TANGO2: variants seen among roughly 807,000 people sequenced by gnomAD.
The protein encoded by TANGO2 is transport and Golgi organization protein 2 homolog.
TANGO2 carries 26 observed loss-of-function variants against 39.1 expected under a neutral mutation model. The observed-to-expected ratio is 0.67, with a 90% CI of 0.49 to 0.92. TANGO2 has a LOEUF of 0.92. Among genes scored for constraint, TANGO2 ranks in the 40% least tolerant of loss-of-function variants. The pLI is 0.00. For synonymous variants in TANGO2, 131 were observed against 144.5 expected, an observed-to-expected ratio of 0.91 and a Z score of 0.67; for missense variants, 326 against 360.1, an observed-to-expected ratio of 0.91 and a Z score of 0.77.
chr22:20,055,748 T>C, intron 5 of TANGO2, 195 bp from the exon 6 acceptor site: 1 of 617,148 alleles, frequency 1.6e-6, no homozygotes, highest in Non-Finnish European at 2.9e-6. Context: ...CCCGTGATGC[T>C]GGACAAGAGC....
Position 20,065,017 on chromosome 22 carries a change from A to G in TANGO2, c.*355A>G, listed in dbSNP as rs2049033514. The G allele has an allele frequency of 8.1e-6, 2 of 245,478 alleles. No individual in the cohort carries two copies. The highest frequency in any genetic ancestry group is 6.5e-5 in the South Asian group (1 of 15,382). The allele number at this position is 245,478 out of a possible 1,614,324, so 15.2% of individuals were successfully genotyped here. ...AAGCACACACATGCAAGCCATATAC[A>G]TGGACACCGACACAGGCACATGTAC... On this transcript the variant is annotated 3_prime_UTR_variant, in exon 9 of 9. Transcript: ENST00000327374.
Position 20,052,467 on chromosome 22 carries a change from C to T in TANGO2, c.148C>T (p.Leu50=). Residue 50 remains leucine (L), a splice_region_variant and synonymous_variant, in exon 4 of 9, where the codon CTG becomes TTG. Coordinates refer to ENST00000327374, the MANE Select transcript of TANGO2 (RefSeq NM_152906.7). The stretch of plus-strand genomic sequence containing the variant: ...GGTAACACTGTCATCTGCCACAGGG[C>T]TGGACATGGAGGAAGGCAAGGAAGG... ...WGNNNEILSG[L]DMEEGKEGGT... 1.3e-6 allele frequency: 2 copies of T among 1,599,628 alleles called. No homozygotes were observed. The highest frequency in any genetic ancestry group is 2.3e-5 in the South Asian group (2 of 88,214).
chr22:20,030,653 T>C lies in TANGO2; in HGVS notation c.-39-6107T>C, dbSNP rs1048378973. 3.3e-5 allele frequency among the ~76,000 whole-genome samples: 5 copies of C among 151,896 alleles called. No homozygotes were observed. The East Asian group carries it at 7.8e-4, about 24-fold the overall frequency. ...ATAATTTTTGTATTTTTAGTAAAGA[T>C]GGGGTTTCACCATGTTGGCCAGGCT... On this transcript the variant is annotated intron_variant, in intron 1 of 8. Coordinates refer to ENST00000327374, the MANE Select transcript of TANGO2 (RefSeq NM_152906.7).
intron 1 of TANGO2, among the ~76,000 whole-genome samples, chr22:20,025,768 G>C (rs1402862688): frequency 6.6e-6 from 1 of 152,186 alleles, no homozygotes; most frequent in Non-Finnish European, 1.5e-5. Context: ...GTGGACTTGG[G>C]CACCTGCAGA....
At chr22:20,042,336 A>AC (rs1346653203) in intron 2 of TANGO2, among the ~76,000 whole-genome samples, 3 of 151,988 alleles carry the variant, frequency 2.0e-5, no homozygotes, top group African/African-American at 7.3e-5. Flanking sequence ...GCAGGAACTG[A>AC]CCCCTTCCAC....
chr22:20,049,113 T>C (rs539610516), intron 3 of TANGO2, among the ~76,000 whole-genome samples: 1 of 152,324 alleles, frequency 6.6e-6, no homozygotes, highest in Admixed American at 6.5e-5. Flanking sequence ...CTATGATTTA[T>C]CTCAAGGTTT....
intron 8 of TANGO2, 98 bp downstream of exon 8, chr22:20,063,540 G>C (rs1401067736): frequency 1.0e-5 from 11 of 1,097,668 alleles, no homozygotes; most frequent in East Asian, 2.6e-5. Flanking sequence ...CCAGAGCCAG[G>C]CTTCTTCCTC....
rs543534921 is a variant in TANGO2, at chr22:20,037,171, G to A, written c.56+317G>A. On this transcript the variant is annotated intron_variant, in intron 2 of 8. Coordinates refer to ENST00000327374, the MANE Select transcript of TANGO2 (RefSeq NM_152906.7). Reference sequence around the variant, plus strand: ...TGAGGAGGGTCGGGCGGCAGAACTGGGACAACGGCGTCAGTGAGTGAGAGC... The same window carrying A: ...TGAGGAGGGTCGGGCGGCAGAACTGAGACAACGGCGTCAGTGAGTGAGAGC... 91 of 1,449,464 alleles carry A rather than the reference G, an allele frequency of 6.3e-5. No homozygotes were observed. The African/African-American group carries it at 1.2e-3, about 20-fold the overall frequency. The allele number at this position is 1,449,464 out of a possible 1,614,324, so 89.8% of individuals were successfully genotyped here. A position where few individuals can be genotyped will look rare whatever the true frequency, so the allele number is the denominator to read the frequency against.
chr22:20,029,760 C>T (rs1210661229), intron 1 of TANGO2, among the ~76,000 whole-genome samples: 1 of 152,198 alleles, frequency 6.6e-6, no homozygotes, highest in African/African-American at 2.4e-5. Context: ...ACCAAAGTCC[C>T]AAGTGATTAG....
intron 3 of TANGO2, among the ~76,000 whole-genome samples, chr22:20,047,233 T>G (rs1335371568): frequency 7.5e-6 from 1 of 134,212 alleles, no homozygotes; most frequent in Non-Finnish European, 1.6e-5. Context: ...GGTTTGTTTG[T>G]TTTTTTTTTT....
Position 20,053,986 on chromosome 22 carries a change from G to A in TANGO2, c.380+435G>A. On this transcript the variant is annotated intron_variant, in intron 5 of 8. Transcript: ENST00000327374. ...GGTGTTTTGCCCTTCCGTGAAGTGA[G>A]CATTCCTCCCTCCTGCCCTCCTCCC... is the stretch of plus-strand genomic sequence containing the variant. The A allele has an allele frequency of 5.9e-6, 2 of 338,454 alleles. 1 individual carries two copies. The highest frequency in any genetic ancestry group is 4.4e-5 in the South Asian group (2 of 45,466). 21.0% of individuals were successfully genotyped at this position (338,454 alleles called of 1,614,324 possible).
Position 20,053,485 on chromosome 22 carries a change from A to G in TANGO2, c.314A>G (p.Tyr105Cys). Residue 105 changes from tyrosine to cysteine, a missense_variant, in exon 5 of 9, where the codon TAC (tyrosine) becomes TGC (cysteine). Physicochemically the swap from Tyr to Cys is radical, Grantham distance 194 (BLOSUM62 -2). Transcript: ENST00000327374. ...FLTTDVDSLS[Y>C]LKKVSMEGHL... Reference sequence around the variant, plus strand: ...ACCACTGACGTGGACAGCTTGTCCTACCTGAAGAAGGTCTCTATGGAGGGC... The same window carrying G: ...ACCACTGACGTGGACAGCTTGTCCTGCCTGAAGAAGGTCTCTATGGAGGGC... 1.2e-6 allele frequency: 2 copies of G among 1,613,918 alleles called. No homozygotes were observed. Among genetic ancestry groups the G allele is most frequent in the South Asian group, 2.2e-5 (2 of 91,080 alleles).
chr22:20,027,104 G>A (rs924838936), intron 1 of TANGO2, among the ~76,000 whole-genome samples: 2 of 152,184 alleles, frequency 1.3e-5, no homozygotes, highest in African/African-American at 4.8e-5. Flanking sequence ...GGAAAAGCAG[G>A]AGCCAGCACT....
At chr22:20,034,055 A>C (rs2042367678) in intron 1 of TANGO2, among the ~76,000 whole-genome samples, 1 of 152,088 alleles carries the variant, frequency 6.6e-6, no homozygotes, top group Non-Finnish European at 1.5e-5. Flanking sequence ...AAAATACAAA[A>C]TTAGCTGGGC....
intron 1 of TANGO2, among the ~76,000 whole-genome samples, chr22:20,023,185 G>T (rs891554381): frequency 5.3e-5 from 8 of 152,234 alleles, no homozygotes; most frequent in Admixed American, 2.0e-4. Context: ...CTCCCCTGGT[G>T]CACTTGCTGA....
At chr22:20,055,842 C>T (rs909160547) in intron 5 of TANGO2, 101 bp from the exon 6 acceptor site, 2 of 1,080,596 alleles carry the variant, frequency 1.9e-6, no homozygotes, top group African/African-American at 1.5e-5. Context: ...GGCTACTGCG[C>T]ACATCGCTAG....
rs1247135015 is a variant in TANGO2, at chr22:20,064,931, C to T, written c.*269C>T. ...CATGAACATGTGGATACACCTGAGC[C>T]CACTCTTGCACATGTACACAGGCAC... On this transcript the variant is annotated 3_prime_UTR_variant, in exon 9 of 9. Transcript: ENST00000327374. The T allele has an allele frequency of 1.1e-5, 5 of 440,774 alleles. No homozygotes were observed. Among genetic ancestry groups the T allele is most frequent in the African/African-American group, 7.8e-5 (4 of 51,000 alleles). The allele number at this position is 440,774 out of a possible 1,614,324, so 27.3% of individuals were successfully genotyped here. A position where few individuals can be genotyped will look rare whatever the true frequency, so the allele number is the denominator to read the frequency against.
chr22:20,043,822 C>T (rs992955874), intron 3 of TANGO2, among the ~76,000 whole-genome samples: 1 of 152,062 alleles, frequency 6.6e-6, no homozygotes, highest in African/African-American at 2.4e-5. Context: ...TGTATGCGTG[C>T]GTGTGTGTGC....
intron 1 of TANGO2, among the ~76,000 whole-genome samples, chr22:20,029,716 C>A (rs1191340015): frequency 6.6e-6 from 1 of 152,224 alleles, no homozygotes; most frequent in Admixed American, 6.5e-5. Context: ...GACTGTCCCC[C>A]TCTTACCTCC....
Sources: gnomAD v4.1 joint callset for allele counts (sites outside exome capture counted in the v4.1 genomes callset) on GRCh38, gnomAD v4.1.1 for gene constraint, MANE v1.5 for transcripts, NCBI Gene and HGNC (gene_info 2026-07-23, HGNC 2026-07-21) for gene names.